The following C7orf78 variants were observed in gnomAD, a reference collection of about 807,000 sequenced individuals.
The protein encoded by C7orf78 is chromosome 7 open reading frame 78.
the C7orf78 span, among the ~76,000 whole-genome samples, chr7:12,515,183 A>G: frequency 6.6e-6 from 1 of 152,154 alleles, no homozygotes; most frequent in Admixed American, 6.5e-5. Context: ...TTGTACTCCC[A>G]TAATTCCCAT....
At chr7:12,511,759 T>C in the C7orf78 span, among the ~76,000 whole-genome samples, 1 of 151,922 alleles carries the variant, frequency 6.6e-6, no homozygotes, top group Non-Finnish European at 1.5e-5. Context: ...TGTTTTTTGT[T>C]TTTTGTTTTT....
chr7:12,487,813 A>G, the C7orf78 span, among the ~76,000 whole-genome samples: 166 of 152,050 alleles, frequency 1.1e-3, no homozygotes, highest in Non-Finnish European at 2.1e-3. Flanking sequence ...CATCACTGGC[A>G]TGTAGAACAA....
At chr7:12,497,445 A>G in the C7orf78 span, among the ~76,000 whole-genome samples, 33 of 146,364 alleles carry the variant, frequency 2.3e-4, no homozygotes, top group African/African-American at 8.1e-4. Flanking sequence ...TCCCTTTCCT[A>G]ATCAAAGAAA....
At chr7:12,516,238 G>A in the C7orf78 span, among the ~76,000 whole-genome samples, 1 of 152,246 alleles carries the variant, frequency 6.6e-6, no homozygotes, top group Non-Finnish European at 1.5e-5. Context: ...AGGGGCCAAT[G>A]TAGAGCTTGG....
chr7:12,522,768 T>G, the C7orf78 span, among the ~76,000 whole-genome samples: 2 of 152,194 alleles, frequency 1.3e-5, no homozygotes, highest in African/African-American at 2.4e-5. Flanking sequence ...CAGCCCTTAG[T>G]GCACTGACTG....
At chr7:12,518,638 G>A in the C7orf78 span, among the ~76,000 whole-genome samples, 1 of 152,266 alleles carries the variant, frequency 6.6e-6, no homozygotes, top group African/African-American at 2.4e-5. Flanking sequence ...ATAGGTGGTG[G>A]AATAGATAGA....
the C7orf78 span, among the ~76,000 whole-genome samples, chr7:12,521,860 C>T: frequency 6.6e-6 from 1 of 151,620 alleles, no homozygotes; most frequent in African/African-American, 2.4e-5. Context: ...TCTAGTTTTT[C>T]CTATCATATC....
the C7orf78 span, among the ~76,000 whole-genome samples, chr7:12,484,524 T>A: frequency 1.2e-3 from 179 of 152,306 alleles, no homozygotes; most frequent in Middle Eastern, 6.8e-3. Context: ...TAGTAGAAAA[T>A]ATATTATTTA....
chr7:12,515,484 C>T, the C7orf78 span, among the ~76,000 whole-genome samples: 4 of 152,094 alleles, frequency 2.6e-5, no homozygotes, highest in African/African-American at 7.2e-5. Context: ...GACCAATACA[C>T]TAAATTGGTA....
chr7:12,487,095 C>T, the C7orf78 span: 1 of 151,880 alleles, frequency 6.6e-6, no homozygotes, highest in African/African-American at 2.4e-5. Context: ...CATCTCAAGA[C>T]TAGTTTCCTA....
the C7orf78 span, among the ~76,000 whole-genome samples, chr7:12,489,609 G>A: frequency 2.0e-5 from 3 of 152,058 alleles, no homozygotes; most frequent in African/African-American, 7.2e-5. Flanking sequence ...GATTGGAGCC[G>A]AAGTTTCTTC....
At chr7:12,508,523 A>G in the C7orf78 span, among the ~76,000 whole-genome samples, 1 of 152,224 alleles carries the variant, frequency 6.6e-6, no homozygotes, top group East Asian at 1.9e-4. Context: ...TATCATACAC[A>G]TGGAAGAATT....
At chr7:12,538,333 G>A in the C7orf78 span, 2 of 152,096 alleles carry the variant, frequency 1.3e-5, no homozygotes, top group Non-Finnish European at 2.9e-5. Flanking sequence ...GGAAGAGAAC[G>A]TTCTGTTGTT....
At chr7:12,519,771 G>A in the C7orf78 span, among the ~76,000 whole-genome samples, 1 of 152,132 alleles carries the variant, frequency 6.6e-6, no homozygotes, top group African/African-American at 2.4e-5. Context: ...AAGCATCTTT[G>A]GGCTCAGCCA....
chr7:12,506,627 G>T, the C7orf78 span, among the ~76,000 whole-genome samples: 3 of 151,990 alleles, frequency 2.0e-5, no homozygotes, highest in East Asian at 3.9e-4. Context: ...AACATCACAC[G>T]CTGGGGCCTG....
the C7orf78 span, among the ~76,000 whole-genome samples, chr7:12,519,828 C>A: frequency 1.4e-3 from 206 of 152,270 alleles, 2 homozygotes; most frequent in African/African-American, 4.7e-3. Flanking sequence ...GGGATATAAA[C>A]AGAGGTTCCC....
the C7orf78 span, among the ~76,000 whole-genome samples, chr7:12,520,300 CG>C: frequency 6.6e-6 from 1 of 152,168 alleles, no homozygotes; most frequent in African/African-American, 2.4e-5. Flanking sequence ...GGCAAGTGCC[CG>C]ATGCCTCTAG....
chr7:12,509,999 A>G, the C7orf78 span, among the ~76,000 whole-genome samples: 2 of 148,202 alleles, frequency 1.3e-5, no homozygotes, highest in Admixed American at 6.9e-5. Flanking sequence ...ACGCCATTGC[A>G]CTCCAGCCTG....
At chr7:12,505,160 A>C in the C7orf78 span, among the ~76,000 whole-genome samples, 1 of 152,062 alleles carries the variant, frequency 6.6e-6, no homozygotes, top group Non-Finnish European at 1.5e-5. Flanking sequence ...ATTTAGAAAA[A>C]AATATGATTA....
Sources: gnomAD v4.1 joint callset for allele counts (sites outside exome capture counted in the v4.1 genomes callset) on GRCh38, gnomAD v4.1.1 for gene constraint, MANE v1.5 for transcripts, NCBI Gene and HGNC (gene_info 2026-07-23, HGNC 2026-07-21) for gene names.